ERI3: variants seen among roughly 807,000 people sequenced by gnomAD.
ERI3 encodes ERI1 exoribonuclease family member 3.
ERI3 carries 18 observed loss-of-function variants against 44.4 expected under a neutral mutation model. That is an observed-to-expected ratio of 0.41 (90% CI 0.28 to 0.60). The LOEUF (loss-of-function observed/expected upper bound fraction) is 0.60. Ranked by LOEUF, ERI3 falls within the 20% of genes least tolerant of loss-of-function variation. The pLI, the probability that ERI3 is intolerant of heterozygous loss-of-function variation, is 0.36. For synonymous variants in ERI3, 183 were observed against 164.8 expected (o/e 1.11, Z -0.84); for missense variants, 294 against 435.5 (o/e 0.68, Z 2.89).
At chr1:44,273,126 C>T (rs1443773730) in intron 7 of ERI3, among the ~76,000 whole-genome samples, 3 of 152,178 alleles carry the variant, frequency 2.0e-5, no homozygotes, top group African/African-American at 7.2e-5. Context: ...TACAAACTCA[C>T]AATCGAGAAA....
chr1:44,261,960 A>G (rs1230777263), intron 7 of ERI3, among the ~76,000 whole-genome samples: 1 of 152,154 alleles, frequency 6.6e-6, no homozygotes, highest in Admixed American at 6.5e-5. Flanking sequence ...TCAGCAGAAC[A>G]GGAAGGGAAC....
intron 8 of ERI3, among the ~76,000 whole-genome samples, chr1:44,224,080 C>T (rs1183223656): frequency 5.3e-5 from 8 of 152,010 alleles, no homozygotes; most frequent in Non-Finnish European, 1.5e-5. Context: ...TGCCACTTTG[C>T]CCTCTCCCTC....
At chr1:44,306,680 C>T (rs998003815) in intron 6 of ERI3, among the ~76,000 whole-genome samples, 1 of 152,228 alleles carries the variant, frequency 6.6e-6, no homozygotes, top group African/African-American at 2.4e-5. Flanking sequence ...TTTTCATATA[C>T]ACATATATGT....
chr1:44,229,815 A>G (rs917760647), intron 8 of ERI3, among the ~76,000 whole-genome samples: 1 of 152,072 alleles, frequency 6.6e-6, no homozygotes, highest in Non-Finnish European at 1.5e-5. Context: ...GCCTGGCCCT[A>G]ATGCTGCCTC....
intron 6 of ERI3, among the ~76,000 whole-genome samples, chr1:44,291,019 C>T (rs1645495956): frequency 6.6e-6 from 1 of 152,154 alleles, no homozygotes. Context: ...TATCTCTGCA[C>T]AAATTGGTCC....
At chr1:44,350,832 A>G (rs923260867) in intron 2 of ERI3, among the ~76,000 whole-genome samples, 1 of 150,024 alleles carries the variant, frequency 6.7e-6, no homozygotes, top group African/African-American at 2.5e-5. Flanking sequence ...TCCTGCCTCA[A>G]GCCTCAGCCT....
At chr1:44,313,144 A>G in intron 5 of ERI3, 25 bp downstream of exon 5, 1 of 1,611,456 alleles carries the variant, frequency 6.2e-7, no homozygotes, top group Non-Finnish European at 8.5e-7. Flanking sequence ...GTCAGAGGTC[A>G]GGAATTAAAG....
At chr1:44,290,248 G>A (rs1645477035) in intron 6 of ERI3, among the ~76,000 whole-genome samples, 1 of 152,170 alleles carries the variant, frequency 6.6e-6, no homozygotes, top group African/African-American at 2.4e-5. Context: ...CATGTGATAT[G>A]CAGAAATGGG....
intron 2 of ERI3, among the ~76,000 whole-genome samples, chr1:44,350,613 T>C (rs911913458): frequency 1.3e-5 from 2 of 152,014 alleles, no homozygotes; most frequent in Non-Finnish European, 2.9e-5. Context: ...TTCCAGTCTG[T>C]AAAATAGAAG....
chr1:44,332,332 C>A (rs565576263), intron 3 of ERI3, among the ~76,000 whole-genome samples: 28 of 152,258 alleles, frequency 1.8e-4, no homozygotes, highest in East Asian at 9.7e-4. Flanking sequence ...CTATCTCAGC[C>A]CTGGGGAGGC....
intron 6 of ERI3, among the ~76,000 whole-genome samples, chr1:44,304,036 G>A (rs1483276890): frequency 2.0e-5 from 3 of 152,080 alleles, no homozygotes; most frequent in Admixed American, 6.6e-5. Context: ...TCAGATTTCC[G>A]ACAGAACAAC....
At chr1:44,244,519 A>G (rs1557779782) in intron 8 of ERI3, among the ~76,000 whole-genome samples, 1 of 152,046 alleles carries the variant, frequency 6.6e-6, no homozygotes, top group Admixed American at 6.5e-5. Context: ...AGCACCTACC[A>G]TGGTTCCTGA....
Position 44,355,132 on chromosome 1 carries a change from C to T in ERI3, c.-106G>A. The T allele has an allele frequency of 8.1e-7, 1 of 1,229,970 alleles. No homozygotes were observed. The highest frequency in any genetic ancestry group is 1.6e-5 in the African/African-American group (1 of 63,992). 76.2% of individuals were successfully genotyped at this position (1,229,970 alleles called of 1,614,324 possible). A position where few individuals can be genotyped will look rare whatever the true frequency, so the allele number is the denominator to read the frequency against. ...GCTCAGGGCAGTTGGCGGCGGCGGG[C>T]GCGGCCCGCGCCGACTGCGGCGCCG... On this transcript the variant is annotated 5_prime_UTR_variant, in exon 1 of 9. Coordinates refer to ENST00000372257, the MANE Select transcript of ERI3 (RefSeq NM_024066.3).
chr1:44,249,746 C>G (rs1378677851), intron 7 of ERI3, among the ~76,000 whole-genome samples: 1 of 152,116 alleles, frequency 6.6e-6, no homozygotes, highest in African/African-American at 2.4e-5. Context: ...GGGAAGCAGC[C>G]AGTGGGTGGT....
At chr1:44,313,985 T>TA (rs74664981) in intron 4 of ERI3, among the ~76,000 whole-genome samples, 2,742 of 137,994 alleles carry the variant, frequency 0.02, 70 homozygotes, top group African/African-American at 0.061. Context: ...TGGTTTAAAG[T>TA]AAAAAAAAAA....
At chr1:44,240,082 AG>A (rs1420995116) in intron 8 of ERI3, among the ~76,000 whole-genome samples, 1 of 152,264 alleles carries the variant, frequency 6.6e-6, no homozygotes, top group Non-Finnish European at 1.5e-5. Flanking sequence ...CCTCTGGGAC[AG>A]CTATACCCTC....
In ERI3 at chr1:44,276,391, G is replaced by A. The variant is rs116837537; in HGVS notation, c.831+8444C>T. Among the ~76,000 whole-genome samples the A allele has an allele frequency of 1.7e-3, 257 of 152,356 alleles. 1 individual carries two copies. The highest frequency in any genetic ancestry group is 5.8e-3 in the African/African-American group (243 of 41,580). On this transcript the variant is annotated intron_variant, in intron 7 of 8. Coordinates refer to ENST00000372257, the MANE Select transcript of ERI3 (RefSeq NM_024066.3). Reference sequence around the variant, plus strand: ...GCATTTGTATTACATTTATACATATGTGTCCATGCATATGCAATAGGTAAA... The same window carrying A: ...GCATTTGTATTACATTTATACATATATGTCCATGCATATGCAATAGGTAAA...
At chr1:44,239,914 T>A (rs1426179518) in intron 8 of ERI3, among the ~76,000 whole-genome samples, 1 of 152,202 alleles carries the variant, frequency 6.6e-6, no homozygotes, top group Non-Finnish European at 1.5e-5. Flanking sequence ...TTCAATCAGC[T>A]CTGCGGCTCC....
chr1:44,240,876 C>T (rs2154317374), intron 8 of ERI3, among the ~76,000 whole-genome samples: 1 of 152,336 alleles, frequency 6.6e-6, no homozygotes, highest in Admixed American at 6.5e-5. Context: ...ACAGCTAATA[C>T]TGAGGACAGA....
Sources: gnomAD v4.1 joint callset for allele counts (sites outside exome capture counted in the v4.1 genomes callset) on GRCh38, gnomAD v4.1.1 for gene constraint, MANE v1.5 for transcripts, NCBI Gene and HGNC (gene_info 2026-07-23, HGNC 2026-07-21) for gene names.